DLGAP2: variants seen among roughly 807,000 people sequenced by gnomAD.
DLGAP2 encodes the protein disks large-associated protein 2.
In DLGAP2, 26 loss-of-function variants were observed where a neutral mutation model predicts 100.3. The ratio of observed to expected loss-of-function variants is 0.26; its 90% CI spans 0.19 to 0.36. DLGAP2 has a LOEUF of 0.36. Among genes scored for constraint, DLGAP2 ranks in the 10% least tolerant of loss-of-function variants. DLGAP2 has a pLI of 1.00. For missense variants in DLGAP2, 1,858 were observed against 1,453.2 expected, an observed-to-expected ratio of 1.28 and a Z score of -4.53; for synonymous variants, 886 against 630.1, an observed-to-expected ratio of 1.41 and a Z score of -6.08.
chr8:905,433 G>C (rs1798358040), intron 1 of DLGAP2, among the ~76,000 whole-genome samples: 1 of 152,110 alleles, frequency 6.6e-6, no homozygotes, highest in African/African-American at 2.4e-5. Flanking sequence ...CGTCTGAACT[G>C]GTGACTCTCA....
At chr8:1,445,121 G>T (rs925456102) in intron 3 of DLGAP2, among the ~76,000 whole-genome samples, 1 of 148,236 alleles carries the variant, frequency 6.7e-6, no homozygotes, top group Non-Finnish European at 1.5e-5. Context: ...AAGTTTTAGG[G>T]TACATGTGTA....
chr8:1,573,193 G>A (rs1319130964), intron 6 of DLGAP2, among the ~76,000 whole-genome samples: 1 of 128,874 alleles, frequency 7.8e-6, no homozygotes, highest in Non-Finnish European at 1.6e-5. Flanking sequence ...AGAGGGTGAA[G>A]TGTCAGGGGC....
intron 12 of DLGAP2, among the ~76,000 whole-genome samples, chr8:1,683,448 G>A (rs1480817590): frequency 1.3e-5 from 2 of 151,470 alleles, no homozygotes; most frequent in Non-Finnish European, 3.0e-5. Context: ...ACCTCACAGA[G>A]CCTTCTGTGG....
chr8:796,705 C>T (rs185024803), intron 1 of DLGAP2, among the ~76,000 whole-genome samples: 211 of 152,290 alleles, frequency 1.4e-3, no homozygotes, highest in African/African-American at 4.7e-3. Context: ...CTGGCTGGAC[C>T]TCTAGTGTGT....
At chr8:1,156,421 G>C (rs1188000257) in intron 2 of DLGAP2, among the ~76,000 whole-genome samples, 1 of 152,210 alleles carries the variant, frequency 6.6e-6, no homozygotes, top group Non-Finnish European at 1.5e-5. Flanking sequence ...GGCACACACA[G>C]TGTCCCTGTC....
intron 6 of DLGAP2, among the ~76,000 whole-genome samples, chr8:1,583,387 A>T (rs1462604541): frequency 4.0e-5 from 6 of 151,214 alleles, no homozygotes; most frequent in African/African-American, 1.2e-4. Context: ...CTTTTGCTCC[A>T]CACAGCGTAA....
intron 2 of DLGAP2, among the ~76,000 whole-genome samples, chr8:1,122,029 G>C (rs2129047751): frequency 6.6e-6 from 1 of 152,282 alleles, no homozygotes; most frequent in Non-Finnish European, 1.5e-5. Flanking sequence ...GACCTTCCTA[G>C]GGATTGAGTG....
At chr8:1,439,174 G>T (rs770506027) in intron 3 of DLGAP2, among the ~76,000 whole-genome samples, 11 of 152,248 alleles carry the variant, frequency 7.2e-5, no homozygotes, top group African/African-American at 2.6e-4. Context: ...TTAAGAGAAT[G>T]AATGAAAAGC....
chr8:1,090,819 C>A (rs114493619), intron 2 of DLGAP2, among the ~76,000 whole-genome samples: 157 of 152,218 alleles, frequency 1.0e-3, no homozygotes, highest in African/African-American at 3.6e-3. Context: ...TTCTTTTCAT[C>A]GAGGACTCTT....
chr8:1,185,399 G>A (rs1405692720), intron 2 of DLGAP2, among the ~76,000 whole-genome samples: 1 of 152,076 alleles, frequency 6.6e-6, no homozygotes, highest in Non-Finnish European at 1.5e-5. Context: ...CAGGTACAAG[G>A]TGACCCCTAA....
chr8:1,345,689 GCA>G (rs1488560709), intron 3 of DLGAP2, among the ~76,000 whole-genome samples: 1 of 152,226 alleles, frequency 6.6e-6, no homozygotes, highest in Non-Finnish European at 1.5e-5. Flanking sequence ...TCAGGAAAAT[GCA>G]CAGAGGGTGG....
chr8:1,445,308 C>T (rs1019934441), intron 3 of DLGAP2, among the ~76,000 whole-genome samples: 1 of 138,034 alleles, frequency 7.2e-6, no homozygotes, highest in African/African-American at 2.7e-5. Context: ...CTAATTTGTT[C>T]AATTCCCACC....
At chr8:1,621,023 C>G (rs983832641) in intron 6 of DLGAP2, 1 of 152,256 alleles carries the variant, frequency 6.6e-6, no homozygotes, top group Non-Finnish European at 1.5e-5. Context: ...TAGCATTTTG[C>G]ATTAAGAAAT....
intron 1 of DLGAP2, among the ~76,000 whole-genome samples, chr8:851,765 G>A (rs796944137): frequency 1.3e-5 from 2 of 152,128 alleles, no homozygotes; most frequent in South Asian, 4.1e-4. Flanking sequence ...CGGAGACCAC[G>A]CCACGTGCCC....
chr8:1,471,343 C>T lies in DLGAP2; in HGVS notation c.107-30023C>T, dbSNP rs113656276. Among the ~76,000 whole-genome samples the T allele has an allele frequency of 8.9e-3, 405 of 45,634 alleles. 6 individuals carry two copies. The highest frequency in any genetic ancestry group is 0.035 in the Middle Eastern group (3 of 86). The allele number at this position is 45,634 out of a possible 152,430, so 29.9% of individuals were successfully genotyped here. On this transcript the variant is annotated intron_variant, in intron 3 of 14. Transcript: ENST00000637795. ...CTTTCCCGACCCCTCCAGCCTTTCC[C>T]GACCCCTCCAGCTTTTCCCGACCCC...
At position 1,536,877 on chromosome 8, in the gene DLGAP2, A is replaced by G. The variant is rs141866619; in HGVS notation, c.173-11749A>G. 2.8e-3 allele frequency among the ~76,000 whole-genome samples: 431 copies of G among 152,252 alleles called. 4 individuals are homozygous for G. Among genetic ancestry groups the G allele is most frequent in the Middle Eastern group, 0.01 (3 of 294 alleles). ...GCGCTGGCCAGGCCCAGGAGGCGAC[A>G]TGAGGGCATTCAGTGCTCACAGTCG... On this transcript the variant is annotated intron_variant, in intron 4 of 14. Transcript: ENST00000637795.
intron 3 of DLGAP2, among the ~76,000 whole-genome samples, chr8:1,332,547 G>A (rs980458337): frequency 6.6e-6 from 1 of 152,184 alleles, no homozygotes; most frequent in African/African-American, 2.4e-5. Flanking sequence ...TCCTACAGAT[G>A]CACACACACT....
chr8:1,185,656 C>G (rs959195778), intron 2 of DLGAP2, among the ~76,000 whole-genome samples: 1 of 151,908 alleles, frequency 6.6e-6, no homozygotes, highest in African/African-American at 2.4e-5. Context: ...GCAGTAGAAA[C>G]CAAGGCTAGT....
At chr8:1,195,048 G>C (rs1797719785) in intron 2 of DLGAP2, among the ~76,000 whole-genome samples, 1 of 152,256 alleles carries the variant, frequency 6.6e-6, no homozygotes. Flanking sequence ...GTTCGTTTCA[G>C]AGGCGTCCGC....
Sources: allele counts gnomAD v4.1 joint callset (sites outside exome capture counted in the v4.1 genomes callset), GRCh38; gene constraint gnomAD v4.1.1; transcripts MANE v1.5; gene names NCBI Gene and HGNC (gene_info 2026-07-23, HGNC 2026-07-21).